ZNF516: variants seen among roughly 807,000 people sequenced by gnomAD.
The protein encoded by ZNF516 is zinc finger protein 516.
Under a neutral mutation model 79.7 loss-of-function variants are expected in ZNF516, and 19 were observed. The ratio of observed to expected loss-of-function variants is 0.24; its 90% CI spans 0.17 to 0.35. ZNF516 has a LOEUF of 0.35. ZNF516 is among the 10% of genes least tolerant of loss of function. The probability of loss-of-function intolerance (pLI) is 1.00; values close to 1 mark genes in which losing one functional copy is unlikely to be tolerated. For synonymous variants in ZNF516, 877 were observed against 739.5 expected, an observed-to-expected ratio of 1.19 and a Z score of -3.02; for missense variants, 1,678 against 1,679.5, an observed-to-expected ratio of 1.00 and a Z score of 0.02.
chr18:76,359,061 T>C lies in ZNF516; in HGVS notation c.*3437A>G, dbSNP rs1423610391. ...ACATGTGCCGGAGCCCCTGCAGAGG[T>C]GTTCTCACACCCTCAGCGACCTGTG... On this transcript the variant is annotated 3_prime_UTR_variant, in exon 7 of 7. Transcript: ENST00000443185. The C allele has an allele frequency of 2.0e-5, 3 of 152,026 alleles. No individual in the cohort carries two copies. The highest frequency in any genetic ancestry group is 4.4e-5 in the Non-Finnish European group (3 of 68,046). 9.4% of individuals were successfully genotyped at this position (152,026 alleles called of 1,614,324 possible).
intron 3 of ZNF516, among the ~76,000 whole-genome samples, chr18:76,423,113 C>A (rs1187667227): frequency 2.6e-5 from 4 of 152,192 alleles, no homozygotes; most frequent in African/African-American, 9.7e-5. Context: ...GCAGCACAAT[C>A]TAACAGAGAC....
At chr18:76,436,989 C>T (rs1488228283) in intron 3 of ZNF516, among the ~76,000 whole-genome samples, 1 of 151,660 alleles carries the variant, frequency 6.6e-6, no homozygotes, top group Non-Finnish European at 1.5e-5. Context: ...ATGGCTTGAG[C>T]CCGGGAGGCG....
intron 1 of ZNF516, among the ~76,000 whole-genome samples, chr18:76,489,646 A>T (rs954781523): frequency 2.6e-5 from 4 of 152,282 alleles, no homozygotes; most frequent in Middle Eastern, 3.4e-3. Flanking sequence ...GGAAAAATAA[A>T]ATCTCTAAAT....
chr18:76,484,930 C>G (rs1352644978), intron 1 of ZNF516, among the ~76,000 whole-genome samples: 3 of 152,136 alleles, frequency 2.0e-5, no homozygotes, highest in Non-Finnish European at 4.4e-5. Flanking sequence ...GGGTAATTTA[C>G]CGAGGCTAAT....
chr18:76,377,715 A>ATTTTT lies in ZNF516; in HGVS notation c.3259+1135_3259+1139dup, dbSNP rs1213742643. ...TAAGAAACCACAGGCTTACAACGTTATTTTTTTTTTTTTTTTTTGAGATGG... is the reference window on the plus strand; with the variant it reads ...TAAGAAACCACAGGCTTACAACGTTATTTTTTTTTTTTTTTTTTTTTTTGAGATGG... On this transcript the variant is annotated intron_variant, in intron 4 of 6. Coordinates refer to ENST00000443185, the MANE Select transcript of ZNF516 (RefSeq NM_014643.4). Among the ~76,000 whole-genome samples, 63 of 133,634 alleles carry ATTTTT rather than the reference A, an allele frequency of 4.7e-4. 2 individuals are homozygous for ATTTTT. The highest frequency in any genetic ancestry group is 1.4e-3 in the African/African-American group (52 of 36,352). The allele number at this position is 133,634 out of a possible 152,430, so 87.7% of individuals were successfully genotyped here.
At chr18:76,434,171 C>A (rs900649289) in intron 3 of ZNF516, among the ~76,000 whole-genome samples, 1 of 147,882 alleles carries the variant, frequency 6.8e-6, no homozygotes. Context: ...GTGCAAGAAC[C>A]AAATTCAGGC....
rs567180938 is a variant in ZNF516, at chr18:76,456,734, C to CA, written c.-158+6293dup. The stretch of plus-strand genomic sequence containing the variant: ...ACTCAGAAGGCAAAACTCACTGATT[C>CA]ACATGGGGGCTGGGGGGTGGGGGGG... On this transcript the variant is annotated intron_variant, in intron 2 of 6. Transcript: ENST00000443185. Among the ~76,000 whole-genome samples, 67 of 30,318 alleles carry CA rather than the reference C, an allele frequency of 2.2e-3. No homozygotes were observed. The South Asian group carries it at 0.089, about 40-fold the overall frequency. 19.9% of individuals were successfully genotyped at this position (30,318 alleles called of 152,430 possible).
rs777345864 is a variant in ZNF516 at position 76,441,846 on chromosome 18, G to C, written c.1209C>G (p.Ala403=). The C allele has an allele frequency of 9.5e-6, 15 of 1,574,440 alleles. No homozygotes were observed. The highest frequency in any genetic ancestry group is 1.2e-5 in the Non-Finnish European group (14 of 1,167,114). Residue 403 remains alanine (A), a synonymous_variant, in exon 3 of 7, where the codon GCC becomes GCG. Coordinates refer to ENST00000443185, the MANE Select transcript of ZNF516 (RefSeq NM_014643.4). ...GGTCCAGCTCAGCCACCCGCCGTCC[G>C]GCCTGCGTGCCAGGGCACGAGTCGC... is the stretch of plus-strand genomic sequence containing the variant. ...AAGDSCPGTQ[A]GRRVAELDPV...
At chr18:76,384,484 C>T (rs1050710261) in intron 3 of ZNF516, among the ~76,000 whole-genome samples, 3 of 127,768 alleles carry the variant, frequency 2.3e-5, no homozygotes, top group Admixed American at 1.5e-4. Flanking sequence ...GCACACCTTT[C>T]TCCATGGCCC....
intron 4 of ZNF516, chr18:76,378,366 T>C (rs2074821039): frequency 6.5e-6 from 1 of 153,030 alleles, no homozygotes. Flanking sequence ...TTACTAATAT[T>C]AGAGGACTAA....
intron 2 of ZNF516, among the ~76,000 whole-genome samples, chr18:76,453,332 C>T (rs1025472826): frequency 6.6e-6 from 1 of 152,154 alleles, no homozygotes; most frequent in Admixed American, 6.5e-5. Context: ...AATTGCATCT[C>T]CCCCAAACCC....
In ZNF516 at chr18:76,359,755, G is replaced by A. The variant is rs1306459016; in HGVS notation, c.*2743C>T. 1 of 152,092 alleles carries A rather than the reference G, an allele frequency of 6.6e-6. No homozygotes were observed. Among genetic ancestry groups the A allele is most frequent in the Non-Finnish European group, 1.5e-5 (1 of 68,032 alleles). The allele number at this position is 152,092 out of a possible 1,614,324, so 9.4% of individuals were successfully genotyped here. A position where few individuals can be genotyped will look rare whatever the true frequency, so the allele number is the denominator to read the frequency against. Reference sequence around the variant, plus strand: ...TTAAGAAACAAGGAAACAGCAGATCGGGAGAGGTAGTAGAAAGTCTGTAAC... The same window carrying A: ...TTAAGAAACAAGGAAACAGCAGATCAGGAGAGGTAGTAGAAAGTCTGTAAC... On this transcript the variant is annotated 3_prime_UTR_variant, in exon 7 of 7. Transcript: ENST00000443185.
chr18:76,381,677 C>T (rs2074894765), intron 3 of ZNF516, among the ~76,000 whole-genome samples: 2 of 152,206 alleles, frequency 1.3e-5, no homozygotes, highest in Non-Finnish European at 2.9e-5. Flanking sequence ...TGCTGGTTTT[C>T]AATCAGCGGG....
At chr18:76,495,645 G>T, upstream of ZNF516, 1 of 983,500 alleles carries the variant, frequency 1.0e-6, no homozygotes, top group Non-Finnish European at 1.3e-6. Context: ...GGCTGCTGCA[G>T]CCCCGGCTCC....
chr18:76,423,945 C>T (rs689790), intron 3 of ZNF516, among the ~76,000 whole-genome samples: 41 of 66,582 alleles, frequency 6.2e-4, no homozygotes, highest in South Asian at 3.1e-3. Context: ...GGTGAAAAGG[C>T]TCCCCCGAAA....
At chr18:76,428,263 C>T (rs150740917) in intron 3 of ZNF516, among the ~76,000 whole-genome samples, 62 of 151,800 alleles carry the variant, frequency 4.1e-4, no homozygotes, top group African/African-American at 1.4e-3. Context: ...CATGGTGGCA[C>T]GCACCTGTAG....
At chr18:76,473,357 A>C (rs1913964197) in intron 1 of ZNF516, among the ~76,000 whole-genome samples, 1 of 19,388 alleles carries the variant, frequency 5.2e-5, no homozygotes, top group Non-Finnish European at 9.1e-5. Context: ...GCTCTCTGCA[A>C]AAAAAAAAAA....
chr18:76,378,633 G>A (rs562986708), intron 4 of ZNF516, among the ~76,000 whole-genome samples: 2 of 152,336 alleles, frequency 1.3e-5, no homozygotes, highest in Admixed American at 1.3e-4. Flanking sequence ...CCCCAGGCAG[G>A]CATTCCCCGG....
At position 76,442,857 on chromosome 18, in the gene ZNF516, G is replaced by A. The variant is rs919547495; in HGVS notation, c.198C>T (p.Tyr66=). The change falls in exon 3 of 7, where the codon TAC becomes TAT. Residue 66 remains tyrosine (Y), a synonymous_variant. Coordinates refer to ENST00000443185, the MANE Select transcript of ZNF516 (RefSeq NM_014643.4). ...CCTTCTGGGAAGCCCGGTGGTCGCA[G>A]TAGGGACACTTGTAGGGCTTCTCGC... ...HTGEKPYKCP[Y]CDHRASQKGN... is the part of the protein sequence containing the mutation. The A allele has an allele frequency of 1.2e-6, 2 of 1,613,674 alleles. No homozygotes were observed. The highest frequency in any genetic ancestry group is 1.7e-6 in the Non-Finnish European group (2 of 1,179,764).
Sources: allele counts gnomAD v4.1 joint callset (sites outside exome capture counted in the v4.1 genomes callset), GRCh38; gene constraint gnomAD v4.1.1; transcripts MANE v1.5; gene names NCBI Gene and HGNC (gene_info 2026-07-23, HGNC 2026-07-21).